ANKLE2: variants seen among roughly 807,000 people sequenced by gnomAD.
The protein encoded by ANKLE2 is ankyrin repeat and LEM domain-containing protein 2.
Under a neutral mutation model 84.2 loss-of-function variants are expected in ANKLE2, and 55 were observed. The observed-to-expected ratio is 0.65, with a 90% CI of 0.53 to 0.82. ANKLE2 has a LOEUF of 0.82. ANKLE2 is among the 40% of genes least tolerant of loss of function. The pLI is 0.00. For synonymous variants in ANKLE2, 551 were observed against 486.1 expected (o/e 1.13, Z -1.76); for missense variants, 1,238 against 1,201.9 (o/e 1.03, Z -0.44).
At chr12:132,745,649 T>C (rs1044924540) in intron 5 of ANKLE2, 6 of 163,424 alleles carry the variant, frequency 3.7e-5, no homozygotes, top group Non-Finnish European at 8.2e-5. Flanking sequence ...AAGACCAAGT[T>C]GGGCCCATGA....
At chr12:132,746,983 T>C (rs1364831556) in intron 5 of ANKLE2, among the ~76,000 whole-genome samples, 2 of 152,222 alleles carry the variant, frequency 1.3e-5, no homozygotes, top group African/African-American at 4.8e-5. Flanking sequence ...AAAGCCTGTC[T>C]TTAGCACCCT....
At chr12:132,751,691 G>A (rs536872755) in intron 2 of ANKLE2, among the ~76,000 whole-genome samples, 22 of 149,748 alleles carry the variant, frequency 1.5e-4, no homozygotes, top group South Asian at 2.1e-4. Flanking sequence ...TATAGGCACC[G>A]GCCACCATGC....
At chr12:132,755,406 G>A in intron 1 of ANKLE2, 1 of 290,274 alleles carries the variant, frequency 3.4e-6, no homozygotes, top group Non-Finnish European at 6.5e-6. Flanking sequence ...TTAGCCGGGT[G>A]TGGTGGCGGA....
rs774639241 is a variant in ANKLE2, at chr12:132,729,674, C to T, written c.2483+5G>A. On this transcript the variant is annotated splice_donor_5th_base_variant and intron_variant, in intron 11 of 12. Coordinates refer to ENST00000357997, the MANE Select transcript of ANKLE2 (RefSeq NM_015114.3). ...AAGTGAGTGCAGAGGGCAACACACT[C>T]CTACCCAAAAAGGAAGAGCCGCCTG... The T allele has an allele frequency of 6.3e-7, 1 of 1,590,906 alleles. No homozygotes were observed. The highest frequency in any genetic ancestry group is 8.5e-7 in the Non-Finnish European group (1 of 1,170,746).
At chr12:132,746,192 CA>C (rs1477496533) in intron 5 of ANKLE2, among the ~76,000 whole-genome samples, 3 of 151,746 alleles carry the variant, frequency 2.0e-5, no homozygotes, top group Non-Finnish European at 2.9e-5. Flanking sequence ...ACTAAAAATA[CA>C]AAAAAATTAG....
At chr12:132,735,572 A>T (rs1454069628) in intron 8 of ANKLE2, 60 bp from the exon 9 acceptor site, 1 of 1,403,534 alleles carries the variant, frequency 7.1e-7, no homozygotes. Flanking sequence ...AGCTGCGGAA[A>T]CCTGAAGAGC....
At position 132,727,251 on chromosome 12, in the gene ANKLE2, G is replaced by A. The variant is rs373809667; in HGVS notation, c.2808C>T (p.Ala936=). 497 of 1,557,284 alleles carry A rather than the reference G, an allele frequency of 3.2e-4. 2 individuals are homozygous for A. The African/African-American group carries it at 5.2e-3, about 16-fold the overall frequency. ...GAGCCCAGCGCCAAGCCTACAGGGCGGCAAGCTCAGCCAGGCGCGCCATCC... is the reference window on the plus strand; with the variant it reads ...GAGCCCAGCGCCAAGCCTACAGGGCAGCAAGCTCAGCCAGGCGCGCCATCC... ...LRRMARLAEL[A]AL is the part of the protein sequence containing the mutation. The change falls in exon 13 of 13, where the codon GCC becomes GCT. Residue 936 remains alanine, a synonymous_variant. Transcript: ENST00000357997.
At chr12:132,732,256 C>G (rs1284079803) in intron 10 of ANKLE2, 1 of 125,710 alleles carries the variant, frequency 8.0e-6, no homozygotes, top group East Asian at 2.3e-4. Context: ...CTGATACGCA[C>G]CGTGTGAAGC....
intron 2 of ANKLE2, 198 bp from the exon 3 acceptor site, chr12:132,751,047 G>C: frequency 1.7e-6 from 1 of 578,472 alleles, no homozygotes; most frequent in Non-Finnish European, 3.1e-6. Flanking sequence ...GTGCATATAT[G>C]CATGTAACAT....
chr12:132,750,915 C>A (rs944317636), intron 2 of ANKLE2, 66 bp from the exon 3 acceptor site: 16 of 1,411,620 alleles, frequency 1.1e-5, no homozygotes, highest in Admixed American at 1.7e-5. Context: ...CCTGGCCATG[C>A]CCTGGGCCTA....
intron 10 of ANKLE2, among the ~76,000 whole-genome samples, chr12:132,733,194 T>C (rs200427474): frequency 2.0e-5 from 2 of 101,290 alleles, no homozygotes; most frequent in African/African-American, 7.2e-5. Context: ...TGGTGTCTGA[T>C]ATGCACCGTG....
chr12:132,750,934 C>T, intron 2 of ANKLE2, 85 bp from the exon 3 acceptor site: 3 of 1,210,032 alleles, frequency 2.5e-6, no homozygotes, highest in Non-Finnish European at 3.6e-6. Context: ...TAACCATCAG[C>T]TTCCACATCT....
chr12:132,730,986 G>A (rs1440750187), intron 10 of ANKLE2: 1 of 152,268 alleles, frequency 6.6e-6, no homozygotes, highest in East Asian at 1.9e-4. Flanking sequence ...GTGCCCCAGA[G>A]GATCCCGAAG....
chr12:132,737,147 G>A (rs750255644), intron 7 of ANKLE2, 82 bp from the exon 8 acceptor site: 20 of 1,457,826 alleles, frequency 1.4e-5, no homozygotes, highest in South Asian at 8.3e-5. Context: ...GGGATCACGC[G>A]AGCCCTTGCC....
chr12:132,753,321 C>CA lies in ANKLE2; in HGVS notation c.640+1353dup, dbSNP rs796460299. ...CTGGGTGAGAGAGAGACCCCAGTCT[C>CA]AAAAAAAAAAACCACCAAAAACAAC... On this transcript the variant is annotated intron_variant, in intron 2 of 12. Transcript: ENST00000357997. Among the ~76,000 whole-genome samples the CA allele has an allele frequency of 9.5e-3, 1,346 of 142,080 alleles. 46 individuals are homozygous for CA. Among genetic ancestry groups the CA allele is most frequent in the East Asian group, 3.7e-3 (18 of 4,852 alleles). 93.2% of individuals were successfully genotyped at this position (142,080 alleles called of 152,430 possible).
chr12:132,759,103 TGGCAGAGTGGATCACGCAGAGTGGCAC>T (rs2044551964), intron 1 of ANKLE2: 2 of 113,182 alleles, frequency 1.8e-5, no homozygotes, highest in African/African-American at 4.0e-5. Context: ...GGCACCCACG[TGGCAGAGTGGATCACGCAGAGTGGCAC>T]CCCGGGGCAC....
chr12:132,739,532 C>A (rs1037710905), intron 7 of ANKLE2, among the ~76,000 whole-genome samples: 1 of 152,174 alleles, frequency 6.6e-6, no homozygotes, highest in Non-Finnish European at 1.5e-5. Flanking sequence ...TTTACCTACA[C>A]TTTACTCATA....
At chr12:132,732,332 C>T in intron 10 of ANKLE2, 1 of 135,744 alleles carries the variant, frequency 7.4e-6, no homozygotes, top group Non-Finnish European at 1.6e-5. Flanking sequence ...CTGATACGCA[C>T]CGTGTGAAGC....
chr12:132,742,532 T>A (rs1186757343), intron 6 of ANKLE2: 1 of 152,496 alleles, frequency 6.6e-6, no homozygotes, highest in Non-Finnish European at 1.5e-5. Context: ...CAGAATATAC[T>A]TCTGCCCTCT....
Sources: allele counts gnomAD v4.1 joint callset (sites outside exome capture counted in the v4.1 genomes callset), GRCh38; gene constraint gnomAD v4.1.1; transcripts MANE v1.5; gene names NCBI Gene and HGNC (gene_info 2026-07-23, HGNC 2026-07-21).